ARHGEF10L: variants seen among roughly 807,000 people sequenced by gnomAD.
ARHGEF10L encodes rho guanine nucleotide exchange factor 10-like protein.
ARHGEF10L carries 69 observed loss-of-function variants against 141.2 expected under a neutral mutation model. The observed-to-expected ratio is 0.49, with a 90% CI of 0.40 to 0.60. The LOEUF is 0.60. Ranked by LOEUF, ARHGEF10L falls within the 20% of genes least tolerant of loss-of-function variation. The probability of loss-of-function intolerance (pLI) is 0.00; values close to 1 mark genes in which losing one functional copy is unlikely to be tolerated. For synonymous variants in ARHGEF10L, 711 were observed against 718.5 expected, an observed-to-expected ratio of 0.99 and a Z score of 0.17; for missense variants, 1,482 against 1,734.3, an observed-to-expected ratio of 0.85 and a Z score of 2.58.
chr1:17,522,760 G>A, the ARHGEF10L span, among the ~76,000 whole-genome samples: 1 of 151,988 alleles, frequency 6.6e-6, no homozygotes. Flanking sequence ...ACTTTCAGGG[G>A]GGTGACTGGC....
At position 17,558,268 on chromosome 1, in the gene ARHGEF10L, T is replaced by C. The variant is rs1246865623; in HGVS notation, c.-44+18318T>C. Among the ~76,000 whole-genome samples, 8 of 151,764 alleles carry C rather than the reference T, an allele frequency of 5.3e-5. No homozygotes were observed. Among genetic ancestry groups the C allele is most frequent in the African/African-American group, 1.9e-4 (8 of 41,256 alleles). On this transcript the variant is annotated intron_variant, in intron 1 of 28. Coordinates refer to ENST00000361221, the MANE Select transcript of ARHGEF10L (RefSeq NM_018125.4). The surrounding 1 kb of genome is among the most constrained non-coding windows in gnomAD (Gnocchi z 4.2). The stretch of plus-strand genomic sequence containing the variant: ...ACCCATCCACCTACTCATTCATTCA[T>C]CTATCCATCCACCCACCCGCCCATT...
chr1:17,667,903 G>A (rs2063084949), intron 26 of ARHGEF10L, among the ~76,000 whole-genome samples: 1 of 152,186 alleles, frequency 6.6e-6, no homozygotes, highest in Admixed American at 6.5e-5. Flanking sequence ...TCCAACTCCG[G>A]GCAGCTGGCA....
chr1:17,690,306 G>C (rs1393057549), intron 27 of ARHGEF10L, among the ~76,000 whole-genome samples: 1 of 152,210 alleles, frequency 6.6e-6, no homozygotes, highest in Non-Finnish European at 1.5e-5. Context: ...TTCCAGCTCT[G>C]ACTGGGAGCA....
chr1:17,624,533 T>G, intron 13 of ARHGEF10L, 30 bp downstream of exon 13: 1 of 1,573,312 alleles, frequency 6.4e-7, no homozygotes, highest in Non-Finnish European at 8.7e-7. Context: ...CCGTGCCTGG[T>G]CAGGGTGGGC....
intron 1 of ARHGEF10L, among the ~76,000 whole-genome samples, chr1:17,547,146 A>G (rs1267698040): frequency 2.6e-5 from 4 of 152,210 alleles, no homozygotes; most frequent in Admixed American, 6.5e-5. Context: ...ATAATTGACC[A>G]CTTGGCCACA....
rs1029901133 is a variant in ARHGEF10L, at chr1:17,696,907, A to G, written c.3367A>G (p.Thr1123Ala). Residue 1123 changes from threonine (T) to alanine (A), a missense_variant, in exon 29 of 29, where the codon ACC (threonine) becomes GCC (alanine). Physicochemically the swap from Thr to Ala is moderately conservative, Grantham distance 58. Coordinates refer to ENST00000361221, the MANE Select transcript of ARHGEF10L (RefSeq NM_018125.4). Reference sequence around the variant, plus strand: ...GCCTGTGGCCTTCCTGGCTGTGGCTACCAGCATCCTGGCCCCTGACATCCT... The same window carrying G: ...GCCTGTGGCCTTCCTGGCTGTGGCTGCCAGCATCCTGGCCCCTGACATCCT... ...CGPVAFLAVA[T>A]SILAPDILRS... 2 of 1,606,540 alleles carry G rather than the reference A, an allele frequency of 1.2e-6. No individual in the cohort carries two copies. The highest frequency in any genetic ancestry group is 1.7e-6 in the Non-Finnish European group (2 of 1,176,268).
At chr1:17,539,570 G>A (rs2100578646), upstream of ARHGEF10L, among the ~76,000 whole-genome samples, 1 of 151,864 alleles carries the variant, frequency 6.6e-6, no homozygotes, top group Admixed American at 6.5e-5. This position sits in a 1 kb window ranked among gnomAD's most constrained non-coding sequence, Gnocchi z 6.0. Context: ...CGGGTCGGGG[G>A]AGGCCACGTC....
Position 17,625,492 on chromosome 1 carries a change from G to C in ARHGEF10L, c.1318-464G>C, listed in dbSNP as rs943940288. Among the ~76,000 whole-genome samples, 22 of 152,314 alleles carry C rather than the reference G, an allele frequency of 1.4e-4. No homozygotes were observed. The highest frequency in any genetic ancestry group is 6.5e-4 in the Admixed American group (10 of 15,302). The stretch of plus-strand genomic sequence containing the variant: ...GGAAGTGGAGGCAGGTGGAGAAACT[G>C]TGGGATTGCAGCATATGGGGGCCAG... On this transcript the variant is annotated intron_variant, in intron 13 of 28. Transcript: ENST00000361221. The surrounding 1 kb of genome is among the most constrained non-coding windows in gnomAD (Gnocchi z 4.5).
In ARHGEF10L at chr1:17,603,391, A is replaced by C; in HGVS notation, c.350-117A>C. 1.4e-6 allele frequency: 1 copy of C among 692,906 alleles called. No homozygotes were observed. 42.9% of individuals were successfully genotyped at this position (692,906 alleles called of 1,614,324 possible). On this transcript the variant is annotated intron_variant, in intron 5 of 28. Coordinates refer to ENST00000361221, the MANE Select transcript of ARHGEF10L (RefSeq NM_018125.4). This position sits in a 1 kb window ranked among gnomAD's most constrained non-coding sequence, Gnocchi z 4.8. ...GCGGAGCTAAGGGCTGGGCTGGGCT[A>C]TCAGAAAGGAGGGTGCTGCGTGCCA...
intron 26 of ARHGEF10L, among the ~76,000 whole-genome samples, chr1:17,668,391 C>G (rs1047685760): frequency 2.0e-5 from 3 of 152,206 alleles, no homozygotes; most frequent in Non-Finnish European, 4.4e-5. Flanking sequence ...CCGGGTCAGG[C>G]CCTGCCTGGC....
intron 27 of ARHGEF10L, 66 bp downstream of exon 27, chr1:17,687,813 G>T: frequency 6.7e-7 from 1 of 1,484,172 alleles, no homozygotes; most frequent in South Asian, 1.3e-5. Flanking sequence ...AGGTAGTGGT[G>T]TGACCTGGGC....
rs2060325984 is a variant in ARHGEF10L at position 17,625,380 on chromosome 1, G to C, written c.1318-576G>C. The stretch of plus-strand genomic sequence containing the variant: ...ACTAAGAGGCGGCTGAGTTCAGTTG[G>C]GTGGTTCTAGACCTCCAGGCCCAGG... On this transcript the variant is annotated intron_variant, in intron 13 of 28. Coordinates refer to ENST00000361221, the MANE Select transcript of ARHGEF10L (RefSeq NM_018125.4). This position sits in a 1 kb window ranked among gnomAD's most constrained non-coding sequence, Gnocchi z 4.5. Among the ~76,000 whole-genome samples the C allele has an allele frequency of 6.6e-6, 1 of 152,156 alleles. No homozygotes were observed. Among genetic ancestry groups the C allele is most frequent in the Non-Finnish European group, 1.5e-5 (1 of 68,030 alleles).
intron 1 of ARHGEF10L, among the ~76,000 whole-genome samples, chr1:17,543,260 A>C (rs561954392): frequency 6.6e-6 from 1 of 152,318 alleles, no homozygotes; most frequent in East Asian, 1.9e-4. Context: ...TAGGAATTTT[A>C]TGAGCCGGTT....
At chr1:17,532,596 C>CTT in the ARHGEF10L span, among the ~76,000 whole-genome samples, 2,035 of 137,560 alleles carry the variant, frequency 0.015, 44 homozygotes, top group East Asian at 0.071. Context: ...CACCCTTGAT[C>CTT]TTTTTTTTTT....
chr1:17,676,387 C>T (rs974202527), intron 26 of ARHGEF10L, among the ~76,000 whole-genome samples: 13 of 142,322 alleles, frequency 9.1e-5, no homozygotes, highest in African/African-American at 3.2e-4. Flanking sequence ...GGTGTAGATG[C>T]AGGTGTGGGT....
chr1:17,523,703 G>T, the ARHGEF10L span, among the ~76,000 whole-genome samples: 1 of 152,176 alleles, frequency 6.6e-6, no homozygotes, highest in Admixed American at 6.5e-5. Flanking sequence ...CAGTGCCTTT[G>T]GGTTGGGCTA....
At chr1:17,694,609 G>T in intron 27 of ARHGEF10L, 1 of 270,546 alleles carries the variant, frequency 3.7e-6, no homozygotes. Context: ...CCCAGGGCCT[G>T]CAGGGTGTGC....
intron 9 of ARHGEF10L, among the ~76,000 whole-genome samples, chr1:17,617,984 A>G (rs1472912276): frequency 6.6e-6 from 1 of 152,082 alleles, no homozygotes; most frequent in Non-Finnish European, 1.5e-5. Context: ...TTTCATCTGT[A>G]ACATGGGTTG....
At position 17,648,826 on chromosome 1, in the gene ARHGEF10L, G is replaced by A. The variant is rs1301878017; in HGVS notation, c.2394+151G>A. The A allele has an allele frequency of 4.0e-6, 5 of 1,257,826 alleles. No homozygotes were observed. The East Asian group carries it at 1.0e-4, about 26-fold the overall frequency. 77.9% of individuals were successfully genotyped at this position (1,257,826 alleles called of 1,614,324 possible). On this transcript the variant is annotated intron_variant, in intron 22 of 28. Transcript: ENST00000361221. ...AATTCTTACTGACAGATTTGGTCAA[G>A]CCTTTTTGTTGCTTCGGGAATCAGC...
Sources: gnomAD v4.1 joint callset for allele counts (sites outside exome capture counted in the v4.1 genomes callset) on GRCh38, gnomAD v4.1.1 for gene constraint, Gnocchi (gnomAD v3.1) non-coding constraint, MANE v1.5 for transcripts, NCBI Gene and HGNC (gene_info 2026-07-23, HGNC 2026-07-21) for gene names.